DYNC2H1: variants seen among roughly 807,000 people sequenced by gnomAD.
The protein encoded by DYNC2H1 is cytoplasmic dynein 2 heavy chain 1.
DYNC2H1 carries 410 observed loss-of-function variants against 570.0 expected under a neutral mutation model. The ratio of observed to expected loss-of-function variants is 0.72; its 90% CI spans 0.66 to 0.78. DYNC2H1 has a LOEUF of 0.78. DYNC2H1 is among the 30% of genes least tolerant of loss of function. DYNC2H1 has a pLI of 0.00. For synonymous variants in DYNC2H1, 1,688 were observed against 1,677.6 expected (o/e 1.01, Z -0.15); for missense variants, 4,865 against 5,046.4 (o/e 0.96, Z 1.09).
intron 10 of DYNC2H1, 75 bp downstream of exon 10, chr11:103,121,571 G>A: frequency 6.9e-7 from 1 of 1,451,286 alleles, no homozygotes; most frequent in Non-Finnish European, 9.3e-7. Flanking sequence ...AGGTACTCTA[G>A]AGCTGTAGTA....
At position 103,353,965 on chromosome 11, in the gene DYNC2H1, T is replaced by C. The variant is rs552937537; in HGVS notation, c.12040-4278T>C. On this transcript the variant is annotated intron_variant, in intron 82 of 88. Coordinates refer to ENST00000375735, the MANE Select transcript of DYNC2H1 (RefSeq NM_001377.3). ...AGGCCGAGGCAGGCGGATCACGAGG[T>C]CAGGGGATCAAGACCATCCTGGCCA... is the stretch of plus-strand genomic sequence containing the variant. 4.6e-5 allele frequency among the ~76,000 whole-genome samples: 7 copies of C among 151,864 alleles called. No homozygotes were observed. The South Asian group carries it at 1.5e-3, about 32-fold the overall frequency.
In DYNC2H1 at chr11:103,151,885, T is replaced by C. The variant is rs1413509075; in HGVS notation, c.2947-251T>C. On this transcript the variant is annotated intron_variant, in intron 20 of 88. Transcript: ENST00000375735. This position sits in a 1 kb window ranked among gnomAD's most constrained non-coding sequence, Gnocchi z 4.6. ...CATTTAGTCTCATATTACTACTTTA[T>C]CTTTTTTAACCTCTGATGTTAGAGT... is the stretch of plus-strand genomic sequence containing the variant. Among the ~76,000 whole-genome samples the C allele has an allele frequency of 2.0e-5, 3 of 152,168 alleles. No individual in the cohort carries two copies. Among genetic ancestry groups the C allele is most frequent in the Non-Finnish European group, 4.4e-5 (3 of 68,024 alleles).
chr11:103,185,078 A>G lies in DYNC2H1; in HGVS notation c.6633+27A>G, dbSNP rs1862013946. 3.1e-6 allele frequency: 5 copies of G among 1,590,030 alleles called. No homozygotes were observed. Among genetic ancestry groups the G allele is most frequent in the African/African-American group, 1.3e-5 (1 of 74,364 alleles). On this transcript the variant is annotated intron_variant, in intron 41 of 88. Coordinates refer to ENST00000375735, the MANE Select transcript of DYNC2H1 (RefSeq NM_001377.3). The surrounding 1 kb of genome is among the most constrained non-coding windows in gnomAD (Gnocchi z 4.5). ...TAATGCATATTTATAGCCTATATTTAGTCAAAACTTTAACTTTTCATTAAC... is the reference window on the plus strand; with the variant it reads ...TAATGCATATTTATAGCCTATATTTGGTCAAAACTTTAACTTTTCATTAAC...
At chr11:103,155,602 G>A (rs1034608867) in intron 25 of DYNC2H1, 101 bp downstream of exon 25, 23 of 1,165,320 alleles carry the variant, frequency 2.0e-5, no homozygotes, top group Non-Finnish European at 2.7e-5. Context: ...TCCTTTAAGG[G>A]AATCAGCTTT....
intron 84 of DYNC2H1, among the ~76,000 whole-genome samples, chr11:103,428,542 C>G (rs976448437): frequency 6.6e-6 from 1 of 152,100 alleles, no homozygotes; most frequent in African/African-American, 2.4e-5. Context: ...GTATACAGTT[C>G]AGTAGTGCAA....
intron 84 of DYNC2H1, among the ~76,000 whole-genome samples, chr11:103,420,173 G>A (rs1943430580): frequency 1.3e-5 from 2 of 151,822 alleles, no homozygotes. Context: ...AGGATATCTG[G>A]AAGAGATCCA....
At chr11:103,425,070 G>A (rs928725639) in intron 84 of DYNC2H1, among the ~76,000 whole-genome samples, 1 of 152,020 alleles carries the variant, frequency 6.6e-6, no homozygotes, top group Non-Finnish European at 1.5e-5. Flanking sequence ...TGAGTAGCTA[G>A]GAGTATAGGC....
At chr11:103,144,990 C>T (rs1860166593) in intron 18 of DYNC2H1, among the ~76,000 whole-genome samples, 2 of 152,042 alleles carry the variant, frequency 1.3e-5, no homozygotes, top group South Asian at 4.1e-4. Context: ...AAGTGATTCC[C>T]CTGCCTCAGC....
Position 103,472,293 on chromosome 11 carries a change from G to A in DYNC2H1, c.12765+3588G>A, listed in dbSNP as rs1945413103. ...TAATCCCATCACTTTGGGAGGCCAA[G>A]GCAGGAGAATCACTTGAGCCCAGGA... On this transcript the variant is annotated intron_variant, in intron 88 of 88. Transcript: ENST00000375735. The surrounding 1 kb of genome is among the most constrained non-coding windows in gnomAD (Gnocchi z 4.1). 6.6e-6 allele frequency among the ~76,000 whole-genome samples: 1 copy of A among 152,102 alleles called. No homozygotes were observed. The highest frequency in any genetic ancestry group is 2.1e-4 in the South Asian group (1 of 4,828).
At position 103,324,085 on chromosome 11, in the gene DYNC2H1, CTTTA is replaced by C. The variant is rs1430329634; in HGVS notation, c.12039+100_12039+103del. 5 of 605,770 alleles carry C rather than the reference CTTTA, an allele frequency of 8.3e-6. No homozygotes were observed. Among genetic ancestry groups the C allele is most frequent in the Non-Finnish European group, 1.2e-5 (5 of 402,536 alleles). The allele number at this position is 605,770 out of a possible 1,614,324, so 37.5% of individuals were successfully genotyped here. ...GATTTAGTACTGTAGACCCCACAAG[CTTTA>C]TTTAAACATTTTATTTTCACAACAC... is the stretch of plus-strand genomic sequence containing the variant. On this transcript the variant is annotated intron_variant, in intron 82 of 88. Transcript: ENST00000375735. This position sits in a 1 kb window ranked among gnomAD's most constrained non-coding sequence, Gnocchi z 5.2.
intron 75 of DYNC2H1, among the ~76,000 whole-genome samples, chr11:103,295,912 G>A (rs1020444656): frequency 6.6e-6 from 1 of 152,100 alleles, no homozygotes; most frequent in African/African-American, 2.4e-5. Context: ...GAGTGCCCTC[G>A]ATAAAATCCT....
chr11:103,114,285 A>T (rs778920656), intron 3 of DYNC2H1, 47 bp downstream of exon 3: 2 of 1,473,614 alleles, frequency 1.4e-6, no homozygotes, highest in Non-Finnish European at 1.8e-6. Flanking sequence ...TGATTGTCTC[A>T]TTAATACATT....
At position 103,479,353 on chromosome 11, in the gene DYNC2H1, A is replaced by G; in HGVS notation, c.*100A>G. 1 of 1,330,340 alleles carries G rather than the reference A, an allele frequency of 7.5e-7. No homozygotes were observed. 82.4% of individuals were successfully genotyped at this position (1,330,340 alleles called of 1,614,324 possible). A position where few individuals can be genotyped will look rare whatever the true frequency, so the allele number is the denominator to read the frequency against. ...AGTCTACATTTGAAATGTTAGTTCA[A>G]AATATTAACATATAGTTATGTTGTT... On this transcript the variant is annotated 3_prime_UTR_variant, in exon 89 of 89. Transcript: ENST00000375735.
chr11:103,424,530 T>G (rs967103581), intron 84 of DYNC2H1, among the ~76,000 whole-genome samples: 1 of 152,170 alleles, frequency 6.6e-6, no homozygotes, highest in Non-Finnish European at 1.5e-5. Context: ...AGCAACTTAA[T>G]TTTTAAGAGT....
At chr11:103,450,066 T>A (rs1012005607) in intron 85 of DYNC2H1, among the ~76,000 whole-genome samples, 1 of 152,096 alleles carries the variant, frequency 6.6e-6, no homozygotes, top group Non-Finnish European at 1.5e-5. Context: ...ATATTAAATA[T>A]TGAGCAAAAT....
At chr11:103,113,125 T>C (rs561122237) in intron 1 of DYNC2H1, among the ~76,000 whole-genome samples, 3 of 152,162 alleles carry the variant, frequency 2.0e-5, no homozygotes, top group Non-Finnish European at 4.4e-5. Context: ...TAATTACATT[T>C]TGTTATAGAC....
intron 50 of DYNC2H1, among the ~76,000 whole-genome samples, chr11:103,202,252 T>G (rs1862748548): frequency 6.6e-6 from 1 of 151,218 alleles, no homozygotes; most frequent in Non-Finnish European, 1.5e-5. Context: ...TGTCACTAGA[T>G]GGAGACATTG....
intron 82 of DYNC2H1, among the ~76,000 whole-genome samples, chr11:103,357,833 C>T (rs986154649): frequency 1.3e-5 from 2 of 152,008 alleles, no homozygotes; most frequent in East Asian, 3.9e-4. Context: ...ACCTGTAATC[C>T]CAGCTAGTAG....
chr11:103,116,111 G>A (rs566792564), intron 4 of DYNC2H1, among the ~76,000 whole-genome samples: 3 of 151,376 alleles, frequency 2.0e-5, no homozygotes, highest in South Asian at 4.2e-4. Context: ...TTAATAGACT[G>A]TTTTAAATGG....
Sources: gnomAD v4.1 joint callset for allele counts (sites outside exome capture counted in the v4.1 genomes callset) on GRCh38, gnomAD v4.1.1 for gene constraint, Gnocchi (gnomAD v3.1) non-coding constraint, MANE v1.5 for transcripts, NCBI Gene and HGNC (gene_info 2026-07-23, HGNC 2026-07-21) for gene names.